MYRFL: variants seen among roughly 807,000 people sequenced by gnomAD.
The protein encoded by MYRFL is myelin regulatory factor like, also known as myelin regulatory factor-like protein.
MYRFL carries 88 observed loss-of-function variants against 109.4 expected under a neutral mutation model. The observed-to-expected ratio is 0.80, with a 90% CI of 0.68 to 0.96. The LOEUF is 0.96. Ranked by LOEUF, MYRFL falls within the 40% of genes least tolerant of loss-of-function variation. The pLI is 0.00. For synonymous variants in MYRFL, 324 were observed against 320.9 expected (o/e 1.01, Z -0.10); for missense variants, 957 against 954.9 (o/e 1.00, Z -0.03).
chr12:69,850,626 C>T (rs1353989988), intron 1 of MYRFL, among the ~76,000 whole-genome samples: 1 of 152,112 alleles, frequency 6.6e-6, no homozygotes, highest in Non-Finnish European at 1.5e-5. Context: ...ATTAGTATTA[C>T]ATCTCTTCCC....
intron 19 of MYRFL, chr12:69,946,413 T>G (rs1955841439): frequency 6.6e-6 from 1 of 152,174 alleles, no homozygotes; most frequent in South Asian, 2.1e-4. Flanking sequence ...ACCCAAAAAC[T>G]TTTGGAAATT....
intron 1 of MYRFL, among the ~76,000 whole-genome samples, chr12:69,835,189 A>G (rs1882862053): frequency 6.6e-6 from 1 of 152,216 alleles, no homozygotes; most frequent in Non-Finnish European, 1.5e-5. Context: ...GTGGTATAAA[A>G]TTCATACAGA....
intron 19 of MYRFL, among the ~76,000 whole-genome samples, chr12:69,948,553 C>G (rs1021634044): frequency 3.3e-5 from 5 of 152,180 alleles, no homozygotes. Flanking sequence ...TTCCACTTCT[C>G]TTTATGCCTC....
At position 69,883,350 on chromosome 12, in the gene MYRFL, A is replaced by G. The variant is rs996824829; in HGVS notation, c.556+3058A>G. On this transcript the variant is annotated intron_variant, in intron 5 of 24. Transcript: ENST00000552032. ...TTCCATCCCTAGAAGTATAACTAGCAGGAATGTGTACATATGCCCACCAAA... is the reference window on the plus strand; with the variant it reads ...TTCCATCCCTAGAAGTATAACTAGCGGGAATGTGTACATATGCCCACCAAA... Among the ~76,000 whole-genome samples, 4 of 152,238 alleles carry G rather than the reference A, an allele frequency of 2.6e-5. No homozygotes were observed. In the East Asian group the frequency reaches 7.7e-4, roughly 29 times the overall value.
At chr12:69,908,353 G>A (rs1246571606) in intron 11 of MYRFL, among the ~76,000 whole-genome samples, 1 of 152,216 alleles carries the variant, frequency 6.6e-6, no homozygotes, top group Non-Finnish European at 1.5e-5. Flanking sequence ...CTGGTGCTAT[G>A]AGCACATAAA....
chr12:69,953,764 G>GACAC (rs143170206), intron 21 of MYRFL, among the ~76,000 whole-genome samples: 38,659 of 144,068 alleles, frequency 0.27, 5,158 homozygotes, highest in Admixed American at 0.31. Flanking sequence ...GTGCAACCCG[G>GACAC]ACACACACAC....
chr12:69,831,998 G>A (rs1240252), intron 1 of MYRFL, among the ~76,000 whole-genome samples: 46,055 of 151,984 alleles, frequency 0.3, 7,351 homozygotes, highest in Middle Eastern at 0.44. Context: ...ATAGAAAGGA[G>A]AAATGTTATG....
intron 15 of MYRFL, among the ~76,000 whole-genome samples, chr12:69,929,597 G>GA (rs1337873383): frequency 6.6e-6 from 1 of 152,160 alleles, no homozygotes; most frequent in Non-Finnish European, 1.5e-5. Flanking sequence ...AGATGAAGCT[G>GA]AAAATAAAGA....
intron 1 of MYRFL, among the ~76,000 whole-genome samples, chr12:69,831,446 A>G (rs79546448): frequency 0.11 from 16,410 of 152,190 alleles, 1,216 homozygotes; most frequent in Middle Eastern, 0.18. Flanking sequence ...AGCACTTACT[A>G]TGTGCTGAGT....
chr12:69,946,879 T>G (rs2120530051), intron 19 of MYRFL: 1 of 152,374 alleles, frequency 6.6e-6, no homozygotes, highest in Non-Finnish European at 1.5e-5. Context: ...TCCATTGATT[T>G]GGACATGGGC....
chr12:69,933,944 C>T (rs1228031239), intron 16 of MYRFL, among the ~76,000 whole-genome samples: 1 of 152,190 alleles, frequency 6.6e-6, no homozygotes, highest in Non-Finnish European at 1.5e-5. Flanking sequence ...TGTTATCTTG[C>T]CTCTGGCCTG....
chr12:69,901,871 T>C (rs1180815070), intron 10 of MYRFL, among the ~76,000 whole-genome samples: 1 of 151,456 alleles, frequency 6.6e-6, no homozygotes, highest in Admixed American at 6.6e-5. Flanking sequence ...CCCATTACAT[T>C]CTTTCACTGC....
At chr12:69,909,662 T>G (rs1281076114) in intron 11 of MYRFL, among the ~76,000 whole-genome samples, 1 of 152,194 alleles carries the variant, frequency 6.6e-6, no homozygotes, top group African/African-American at 2.4e-5. Flanking sequence ...CTCTCTTGAT[T>G]GTTATCATTT....
intron 1 of MYRFL, among the ~76,000 whole-genome samples, chr12:69,840,398 A>G (rs1248540265): frequency 6.6e-6 from 1 of 152,158 alleles, no homozygotes; most frequent in East Asian, 1.9e-4. Flanking sequence ...AATTTCCTCT[A>G]CATTTCTCCA....
chr12:69,863,281 G>C (rs190174843), intron 2 of MYRFL, among the ~76,000 whole-genome samples: 1 of 152,128 alleles, frequency 6.6e-6, no homozygotes, highest in Non-Finnish European at 1.5e-5. Flanking sequence ...TGTTAGGGAG[G>C]GTTCCCTCTT....
At chr12:69,854,838 T>C (rs2136322171) in intron 1 of MYRFL, among the ~76,000 whole-genome samples, 1 of 152,362 alleles carries the variant, frequency 6.6e-6, no homozygotes, top group East Asian at 1.9e-4. Context: ...GTTTATCAGT[T>C]GTATAGCGTC....
At chr12:69,957,480 C>T (rs2120566711) in intron 22 of MYRFL, among the ~76,000 whole-genome samples, 1 of 152,246 alleles carries the variant, frequency 6.6e-6, no homozygotes, top group Non-Finnish European at 1.5e-5. Flanking sequence ...AATCCCAGCA[C>T]TTTGGGTGGC....
chr12:69,836,533 T>C (rs1291927776), intron 1 of MYRFL, among the ~76,000 whole-genome samples: 8 of 152,176 alleles, frequency 5.3e-5, no homozygotes, highest in Non-Finnish European at 7.3e-5. Context: ...AGAGTAAATA[T>C]TCCTTGGAAC....
At chr12:69,862,686 C>A (rs1884761146) in intron 2 of MYRFL, among the ~76,000 whole-genome samples, 1 of 152,006 alleles carries the variant, frequency 6.6e-6, no homozygotes, top group African/African-American at 2.4e-5. Flanking sequence ...ACAATCATGT[C>A]ATCTGCAAAC....
Sources: gnomAD v4.1 joint callset for allele counts (sites outside exome capture counted in the v4.1 genomes callset) on GRCh38, gnomAD v4.1.1 for gene constraint, MANE v1.5 for transcripts, NCBI Gene and HGNC (gene_info 2026-07-23, HGNC 2026-07-21) for gene names.